Variants in LMNTD1 observed in about 807,000 individuals in gnomAD.
The protein encoded by LMNTD1 is lamin tail domain-containing protein 1.
A neutral mutation model predicts 50.9 loss-of-function variants in LMNTD1; 35 were observed. The ratio of observed to expected loss-of-function variants is 0.69; its 90% confidence interval spans 0.53 to 0.91. The LOEUF is 0.91. LMNTD1 is among the 40% of genes least tolerant of loss of function. The pLI, the probability that LMNTD1 is intolerant of heterozygous loss-of-function variation, is 0.00. For missense variants in LMNTD1, 470 were observed against 475.5 expected (o/e 0.99, Z 0.11); for synonymous variants, 153 against 161.9 (o/e 0.94, Z 0.42).
In LMNTD1 at chr12:25,549,385, G is replaced by C; in HGVS notation, c.251C>G (p.Thr84Ser). The change falls in exon 3 of 10, where the codon ACT becomes AGT. Residue 84 changes from threonine (T) to serine (S), a missense_variant. By Grantham distance (58) the Thr-to-Ser change is moderately conservative. Transcript: ENST00000458174. The stretch of plus-strand genomic sequence containing the variant: ...AGTAGCTTTAGAAGTCAATTGTCCA[G>C]TTGTTGATATAGTTACTCTACTAAT... The part of the protein sequence containing the change: ...PQISRVTIST[T>S]GQLTSKATVG... The C allele has an allele frequency of 6.2e-7, 1 of 1,613,050 alleles. No individual in the cohort carries two copies.
chr12:25,490,095 A>C (rs554592696), intron 9 of LMNTD1, among the ~76,000 whole-genome samples: 1 of 152,342 alleles, frequency 6.6e-6, no homozygotes, highest in Non-Finnish European at 1.5e-5. Context: ...AAGGCTTTGG[A>C]TAAGCCTGTA....
intron 1 of LMNTD1, among the ~76,000 whole-genome samples, chr12:25,594,381 G>A (rs925855353): frequency 6.6e-6 from 1 of 152,078 alleles, no homozygotes; most frequent in Non-Finnish European, 1.5e-5. Flanking sequence ...GAAACCCTAT[G>A]AGCTAGAAGG....
chr12:25,529,714 T>C (rs73076329), intron 4 of LMNTD1, among the ~76,000 whole-genome samples: 2 of 152,258 alleles, frequency 1.3e-5, no homozygotes, highest in Non-Finnish European at 2.9e-5. Context: ...CATTCTCCAC[T>C]TTGCTTCCAG....
At chr12:25,528,884 C>A (rs979760462) in intron 4 of LMNTD1, among the ~76,000 whole-genome samples, 6 of 152,088 alleles carry the variant, frequency 3.9e-5, no homozygotes, top group Non-Finnish European at 7.4e-5. Context: ...GAGGGGCTAC[C>A]ACCTTAAAAA....
chr12:25,630,039 T>TA (rs1946680279), intron 1 of LMNTD1, among the ~76,000 whole-genome samples: 2 of 152,034 alleles, frequency 1.3e-5, no homozygotes, highest in Admixed American at 6.6e-5. Flanking sequence ...AAATAAGCAG[T>TA]AAAAAAGATC....
At chr12:25,529,837 T>A (rs1942096475) in intron 4 of LMNTD1, among the ~76,000 whole-genome samples, 1 of 152,124 alleles carries the variant, frequency 6.6e-6, no homozygotes, top group Non-Finnish European at 1.5e-5. Context: ...AACAAAGCCC[T>A]ACCTTATCTG....
chr12:25,488,864 C>T (rs1395687351), intron 9 of LMNTD1, among the ~76,000 whole-genome samples: 3 of 152,208 alleles, frequency 2.0e-5, no homozygotes, highest in Non-Finnish European at 4.4e-5. Flanking sequence ...TCCTCAGCTG[C>T]AGGTCTGTTG....
At chr12:25,615,487 T>C (rs1201686498) in intron 1 of LMNTD1, among the ~76,000 whole-genome samples, 1 of 152,066 alleles carries the variant, frequency 6.6e-6, no homozygotes, top group Non-Finnish European at 1.5e-5. Context: ...ATGGTCTCAC[T>C]CTTTACTCTT....
intron 8 of LMNTD1, among the ~76,000 whole-genome samples, chr12:25,512,990 G>A (rs1441084970): frequency 4.6e-5 from 7 of 152,050 alleles, no homozygotes; most frequent in Admixed American, 6.6e-5. Context: ...GTGTCACATC[G>A]TATTTAATCC....
intron 1 of LMNTD1, among the ~76,000 whole-genome samples, chr12:25,624,097 A>T (rs1291191325): frequency 1.3e-5 from 2 of 152,130 alleles, no homozygotes; most frequent in Non-Finnish European, 2.9e-5. Flanking sequence ...CTTGGATTGG[A>T]CCTCCAGCAA....
chr12:25,551,759 G>T (rs1316155204), intron 2 of LMNTD1, among the ~76,000 whole-genome samples: 1 of 152,184 alleles, frequency 6.6e-6, no homozygotes, highest in Non-Finnish European at 1.5e-5. Context: ...ACAAACTCGT[G>T]TGATACAGCC....
chr12:25,563,827 C>T (rs1053479949), intron 1 of LMNTD1, among the ~76,000 whole-genome samples: 1 of 152,196 alleles, frequency 6.6e-6, no homozygotes, highest in Non-Finnish European at 1.5e-5. Context: ...TGTTTACCTA[C>T]TCAAGCCTCA....
At chr12:25,640,181 G>T (rs1430752954) in intron 1 of LMNTD1, among the ~76,000 whole-genome samples, 1 of 152,136 alleles carries the variant, frequency 6.6e-6, no homozygotes, top group Non-Finnish European at 1.5e-5. Flanking sequence ...GCTAACGAGT[G>T]TGAAGTTTCT....
At chr12:25,527,729 CAT>C (rs1941913146) in intron 4 of LMNTD1, among the ~76,000 whole-genome samples, 2 of 129,886 alleles carry the variant, frequency 1.5e-5, no homozygotes, top group Non-Finnish European at 1.7e-5. Flanking sequence ...CATATACACA[CAT>C]ATATATACAT....
intron 1 of LMNTD1, among the ~76,000 whole-genome samples, chr12:25,622,059 T>A (rs1946482926): frequency 6.6e-6 from 1 of 152,190 alleles, no homozygotes; most frequent in Non-Finnish European, 1.5e-5. Context: ...TCAAAAATGA[T>A]ATGATTTGCT....
chr12:25,513,246 A>C (rs1351451179), intron 8 of LMNTD1, among the ~76,000 whole-genome samples: 1 of 152,262 alleles, frequency 6.6e-6, no homozygotes, highest in Non-Finnish European at 1.5e-5. Context: ...CATTGGAACT[A>C]TCTCGCATTA....
intron 1 of LMNTD1, among the ~76,000 whole-genome samples, chr12:25,600,470 C>A (rs1468644527): frequency 6.6e-6 from 1 of 151,944 alleles, no homozygotes; most frequent in Non-Finnish European, 1.5e-5. Context: ...AGTTAAAAAG[C>A]TTCTGCACAG....
At chr12:25,545,974 C>A (rs1321588056) in intron 4 of LMNTD1, among the ~76,000 whole-genome samples, 1 of 151,532 alleles carries the variant, frequency 6.6e-6, no homozygotes. Context: ...TGCATAGATA[C>A]TAACAGTCAT....
chr12:25,517,707 G>GAATAATAAT (rs71851020), intron 8 of LMNTD1, among the ~76,000 whole-genome samples: 15 of 139,258 alleles, frequency 1.1e-4, no homozygotes, highest in Admixed American at 3.7e-4. Context: ...TAAAGTGTAA[G>GAATAATAAT]AATAATAATA....
Sources: gnomAD v4.1 joint callset for allele counts (sites outside exome capture counted in the v4.1 genomes callset) on GRCh38, gnomAD v4.1.1 for gene constraint, MANE v1.5 for transcripts, NCBI Gene and HGNC (gene_info 2026-07-23, HGNC 2026-07-21) for gene names.